Variants in KLF8 observed in about 807,000 individuals in gnomAD.
KLF8 encodes Krueppel-like factor 8.
Under a neutral mutation model 18.2 loss-of-function variants are expected in KLF8, and 10 were observed. That is an observed-to-expected ratio of 0.55 (90% CI 0.34 to 0.93). The LOEUF is 0.93. KLF8 is among the 40% of genes least tolerant of loss of function. The probability of loss-of-function intolerance (pLI) is 0.02; values close to 1 mark genes in which losing one functional copy is unlikely to be tolerated. For missense variants in KLF8, 264 were observed against 277.9 expected, an observed-to-expected ratio of 0.95 and a Z score of 0.36; for synonymous variants, 109 against 97.3, an observed-to-expected ratio of 1.12 and a Z score of -0.71.
Position 56,284,467 on chromosome X carries a change from G to A in KLF8, c.1053G>A (p.Leu351=), listed in dbSNP as rs779806019. The change falls in exon 6 of 6, where the codon CTG becomes CTA. Residue 351 remains leucine, a synonymous_variant. Transcript: ENST00000468660. ...RSFSRSDHLS[L]HRRRHDTM ...TTTCTCGTTCTGACCACCTGTCCCT[G>A]CATCGCCGTCGCCATGACACCATGT... 6 of 1,200,078 alleles carry A rather than the reference G, an allele frequency of 5.0e-6. No homozygotes were observed. The East Asian group carries it at 1.8e-4, about 36-fold the overall frequency.
the KLF8 span, among the ~76,000 whole-genome samples, chrX:56,031,123 C>G: frequency 1.8e-5 from 2 of 111,231 alleles, no homozygotes; most frequent in East Asian, 5.7e-4. Flanking sequence ...CCTTTGAATC[C>G]TTTCTTGAAA....
intron 5 of KLF8, among the ~76,000 whole-genome samples, chrX:56,271,196 C>T (rs910610408): frequency 9.0e-6 from 1 of 110,718 alleles, no homozygotes; most frequent in Non-Finnish European, 1.9e-5. Flanking sequence ...GTTATCCACC[C>T]GATGGGTGGG....
the KLF8 span, among the ~76,000 whole-genome samples, chrX:56,183,179 C>G: frequency 8.0e-5 from 9 of 111,969 alleles, no homozygotes; most frequent in African/African-American, 2.9e-4. Flanking sequence ...GCAGACGCCC[C>G]TAACCCAGTC....
the KLF8 span, among the ~76,000 whole-genome samples, chrX:56,154,853 A>G: frequency 7.1e-5 from 8 of 112,408 alleles, no homozygotes; most frequent in Non-Finnish European, 9.4e-5. Context: ...CACATGAAAA[A>G]ATGCTCATCA....
chrX:56,029,556 C>T, the KLF8 span, among the ~76,000 whole-genome samples: 3 of 111,405 alleles, frequency 2.7e-5, no homozygotes, highest in Non-Finnish European at 5.7e-5. Context: ...TGTCCTTGAC[C>T]CCTATTGTCA....
the KLF8 span, among the ~76,000 whole-genome samples, chrX:56,216,943 C>G: frequency 1.8e-5 from 2 of 111,349 alleles, no homozygotes; most frequent in Non-Finnish European, 3.8e-5. Flanking sequence ...CTCAGGTAAG[C>G]CTTCCTTGAT....
chrX:56,160,079 G>C, the KLF8 span, among the ~76,000 whole-genome samples: 2 of 111,642 alleles, frequency 1.8e-5, no homozygotes, highest in Non-Finnish European at 3.8e-5. Context: ...AGAGATTCTG[G>C]TATGTTGTGT....
chrX:56,137,122 T>A, the KLF8 span, among the ~76,000 whole-genome samples: 5 of 109,785 alleles, frequency 4.6e-5, no homozygotes, highest in East Asian at 1.5e-3. Flanking sequence ...CTGGAGAGGA[T>A]GTGGAGAAAT....
the KLF8 span, among the ~76,000 whole-genome samples, chrX:56,060,245 G>A: frequency 8.9e-6 from 1 of 111,833 alleles, no homozygotes. Context: ...GTAAGAGAGG[G>A]CATCCTTGTC....
the KLF8 span, among the ~76,000 whole-genome samples, chrX:56,175,540 G>A: frequency 1.8e-5 from 2 of 111,729 alleles, no homozygotes; most frequent in African/African-American, 6.5e-5. Flanking sequence ...TTTGGAATAA[G>A]TACAGTGTGG....
the KLF8 span, among the ~76,000 whole-genome samples, chrX:56,009,291 T>G: frequency 9.0e-6 from 1 of 111,222 alleles, no homozygotes; most frequent in African/African-American, 3.3e-5. Context: ...CACCTCCAGG[T>G]GTGGGAGGAA....
the KLF8 span, among the ~76,000 whole-genome samples, chrX:56,174,813 G>A: frequency 9.0e-6 from 1 of 111,326 alleles, no homozygotes; most frequent in East Asian, 2.8e-4. Flanking sequence ...CTTCTTCCTG[G>A]TTTAGTCTTG....
the KLF8 span, among the ~76,000 whole-genome samples, chrX:56,073,748 C>CT: frequency 0.54 from 49,791 of 92,385 alleles, 13,580 homozygotes; most frequent in Non-Finnish European, 0.75. Flanking sequence ...CTAATGATGG[C>CT]TTTTTTTTTT....
At chrX:56,069,140 T>C in the KLF8 span, among the ~76,000 whole-genome samples, 1 of 112,169 alleles carries the variant, frequency 8.9e-6, no homozygotes, top group African/African-American at 3.2e-5. Flanking sequence ...CCCATGCCAC[T>C]GACAGCCAAG....
At chrX:55,976,318 A>G in the KLF8 span, among the ~76,000 whole-genome samples, 1 of 111,139 alleles carries the variant, frequency 9.0e-6, no homozygotes, top group Admixed American at 9.6e-5. Flanking sequence ...TCTGGAACTT[A>G]TTCATAGTGC....
chrX:56,161,164 G>A, the KLF8 span, among the ~76,000 whole-genome samples: 1 of 111,596 alleles, frequency 9.0e-6, no homozygotes, highest in African/African-American at 3.3e-5. Context: ...AGTTTAGCTG[G>A]ATATGAAATT....
the KLF8 span, among the ~76,000 whole-genome samples, chrX:56,219,135 C>T: frequency 9.0e-5 from 10 of 111,527 alleles, no homozygotes; most frequent in Non-Finnish European, 1.9e-4. Context: ...CAATCATAGG[C>T]TCCACGTTTG....
chrX:56,061,402 C>T, the KLF8 span, among the ~76,000 whole-genome samples: 1 of 111,637 alleles, frequency 9.0e-6, no homozygotes, highest in African/African-American at 3.3e-5. Context: ...TTATTTATTT[C>T]TGCCTTAATT....
intron 1 of KLF8, among the ~76,000 whole-genome samples, chrX:56,237,618 TTAAACA>T (rs2066493917): frequency 8.9e-6 from 1 of 112,256 alleles, no homozygotes; most frequent in Admixed American, 9.5e-5. Context: ...CCACAAATTT[TTAAACA>T]GTTTTCTGTT....
Sources: allele counts gnomAD v4.1 joint callset (sites outside exome capture counted in the v4.1 genomes callset), GRCh38; gene constraint gnomAD v4.1.1; transcripts MANE v1.5; gene names NCBI Gene and HGNC (gene_info 2026-07-23, HGNC 2026-07-21).